Variants in SKAP1 observed in about 807,000 individuals in gnomAD.
SKAP1 encodes src kinase associated phosphoprotein 1.
A neutral mutation model predicts 58.5 loss-of-function variants in SKAP1; 44 were observed. That is an observed-to-expected ratio of 0.75 (90% CI 0.59 to 0.97). SKAP1 has a LOEUF of 0.97. Among genes scored for constraint, SKAP1 ranks in the 50% least tolerant of loss-of-function variants. The pLI, the probability that SKAP1 is intolerant of heterozygous loss-of-function variation, is 0.00. For missense variants in SKAP1, 390 were observed against 435.2 expected (o/e 0.90, Z 0.92); for synonymous variants, 127 against 149.7 (o/e 0.85, Z 1.11).
chr17:48,331,788 A>G (rs1013195554), intron 4 of SKAP1, among the ~76,000 whole-genome samples: 4 of 152,296 alleles, frequency 2.6e-5, no homozygotes, highest in African/African-American at 9.6e-5. Context: ...ATTTAAGAAG[A>G]AAGGCCATAT....
chr17:48,347,997 AC>A (rs1189036949), intron 3 of SKAP1, among the ~76,000 whole-genome samples: 1 of 152,172 alleles, frequency 6.6e-6, no homozygotes, highest in African/African-American at 2.4e-5. Flanking sequence ...ATTATTCTGG[AC>A]TTAAAGTTCT....
At chr17:48,199,544 A>C (rs2064697957) in intron 4 of SKAP1, among the ~76,000 whole-genome samples, 1 of 152,280 alleles carries the variant, frequency 6.6e-6, no homozygotes, top group South Asian at 2.1e-4. Context: ...TGATTCCACC[A>C]TGTAAAATTA....
chr17:48,381,707 C>A (rs1331499651), intron 2 of SKAP1, among the ~76,000 whole-genome samples: 1 of 152,130 alleles, frequency 6.6e-6, no homozygotes, highest in South Asian at 2.1e-4. Flanking sequence ...TGTTGGCTAT[C>A]CACTATGTGA....
chr17:48,417,731 C>T (rs1275818192), intron 1 of SKAP1, among the ~76,000 whole-genome samples: 2 of 137,046 alleles, frequency 1.5e-5, no homozygotes, highest in Non-Finnish European at 3.0e-5. Context: ...AGTGACAGAG[C>T]GAGACTTCGT....
chr17:48,396,974 A>T, intron 1 of SKAP1, 189 bp from the exon 2 acceptor site: 1 of 181,984 alleles, frequency 5.5e-6, no homozygotes, highest in Non-Finnish European at 1.0e-5. Context: ...AATGTGCTTA[A>T]TGCCACAGAA....
chr17:48,413,514 C>CAAAAAAA (rs1222640261), intron 1 of SKAP1, among the ~76,000 whole-genome samples: 17 of 99,912 alleles, frequency 1.7e-4, no homozygotes, highest in African/African-American at 8.0e-4. Context: ...AACTCCGTCT[C>CAAAAAAA]AAAAAAAAAA....
At chr17:48,171,081 T>G (rs557119660) in intron 9 of SKAP1, among the ~76,000 whole-genome samples, 1 of 147,788 alleles carries the variant, frequency 6.8e-6, no homozygotes, top group African/African-American at 2.5e-5. Flanking sequence ...TAAGGAAAGT[T>G]TAATTACTGT....
In SKAP1 at chr17:48,217,688, T is replaced by C. The variant is rs149998902; in HGVS notation, c.281-28188A>G. On this transcript the variant is annotated intron_variant, in intron 4 of 12. Coordinates refer to ENST00000336915, the MANE Select transcript of SKAP1 (RefSeq NM_003726.4). ...AAAGGTTAGGTAAAGGTAAAAATTA[T>C]ATGGAGTCCACTGCAATATCTCTTA... Among the ~76,000 whole-genome samples, 65 of 152,124 alleles carry C rather than the reference T, an allele frequency of 4.3e-4. No individual in the cohort carries two copies. In the East Asian group the frequency reaches 9.6e-3, roughly 23 times the overall value.
At chr17:48,386,192 C>T (rs2067274267) in intron 2 of SKAP1, among the ~76,000 whole-genome samples, 2 of 151,726 alleles carry the variant, frequency 1.3e-5, no homozygotes, top group Admixed American at 6.6e-5. Flanking sequence ...TAAAGAGGGT[C>T]TTTTGTTGTT....
chr17:48,206,497 G>A (rs1397627718), intron 4 of SKAP1, among the ~76,000 whole-genome samples: 1 of 151,902 alleles, frequency 6.6e-6, no homozygotes, highest in African/African-American at 2.4e-5. Flanking sequence ...AATTTTATAA[G>A]GGTTGACGTA....
chr17:48,301,202 TACTC>T (rs1312605036), intron 4 of SKAP1, among the ~76,000 whole-genome samples: 1 of 152,176 alleles, frequency 6.6e-6, no homozygotes, highest in Non-Finnish European at 1.5e-5. Context: ...AGTTTCTGAG[TACTC>T]ACTCACTCTA....
the SKAP1 span, among the ~76,000 whole-genome samples, chr17:48,443,056 G>A: frequency 1.4e-3 from 211 of 152,076 alleles, 1 homozygote; most frequent in African/African-American, 4.8e-3. Flanking sequence ...TCCCACTTCC[G>A]TTTGCTCACA....
chr17:48,382,819 G>C (rs1267828457), intron 2 of SKAP1, among the ~76,000 whole-genome samples: 2 of 152,170 alleles, frequency 1.3e-5, no homozygotes, highest in African/African-American at 2.4e-5. Flanking sequence ...ACAACCAAAA[G>C]TATCTTCACC....
chr17:48,335,842 T>C (rs2066560888), intron 4 of SKAP1, among the ~76,000 whole-genome samples: 1 of 152,100 alleles, frequency 6.6e-6, no homozygotes, highest in Non-Finnish European at 1.5e-5. Context: ...TAAGAACATA[T>C]GAAATGATTT....
At chr17:48,237,070 G>A (rs1214612194) in intron 4 of SKAP1, among the ~76,000 whole-genome samples, 1 of 152,190 alleles carries the variant, frequency 6.6e-6, no homozygotes, top group Non-Finnish European at 1.5e-5. Flanking sequence ...CATGAAGTTG[G>A]ATTTGAAATC....
chr17:48,236,867 C>T (rs1453481310), intron 4 of SKAP1, among the ~76,000 whole-genome samples: 1 of 152,168 alleles, frequency 6.6e-6, no homozygotes, highest in African/African-American at 2.4e-5. Flanking sequence ...ATAGTAATAT[C>T]TACTCTATTG....
chr17:48,171,659 G>T (rs946183644), intron 9 of SKAP1, among the ~76,000 whole-genome samples: 3 of 151,838 alleles, frequency 2.0e-5, no homozygotes, highest in Non-Finnish European at 2.9e-5. Flanking sequence ...CCTTCCCTCT[G>T]GAATTCTCTT....
At chr17:48,164,926 C>A (rs1233548923) in intron 10 of SKAP1, among the ~76,000 whole-genome samples, 2 of 152,216 alleles carry the variant, frequency 1.3e-5, no homozygotes, top group East Asian at 3.8e-4. Flanking sequence ...TGTGTGCATG[C>A]AACTTCACTA....
At chr17:48,398,226 G>A (rs986524336) in intron 1 of SKAP1, among the ~76,000 whole-genome samples, 1 of 152,146 alleles carries the variant, frequency 6.6e-6, no homozygotes, top group Non-Finnish European at 1.5e-5. Flanking sequence ...TACCACCTGA[G>A]CTCCAGCTCC....
Sources: gnomAD v4.1 joint callset for allele counts (sites outside exome capture counted in the v4.1 genomes callset) on GRCh38, gnomAD v4.1.1 for gene constraint, MANE v1.5 for transcripts, NCBI Gene and HGNC (gene_info 2026-07-23, HGNC 2026-07-21) for gene names.